Variants in EXOC5 observed in about 807,000 individuals in gnomAD.
EXOC5 encodes exocyst complex component 5, also known as SEC10-like 1.
EXOC5 carries 17 observed loss-of-function variants against 90.8 expected under a neutral mutation model. The observed-to-expected ratio is 0.19, with a 90% CI of 0.13 to 0.28. The LOEUF is 0.28. Ranked by LOEUF, EXOC5 falls within the 10% of genes least tolerant of loss-of-function variation. The pLI, the probability that EXOC5 is intolerant of heterozygous loss-of-function variation, is 1.00. For missense variants in EXOC5, 569 were observed against 830.6 expected (o/e 0.69, Z 3.87); for synonymous variants, 260 against 270.0 (o/e 0.96, Z 0.36).
At chr14:57,252,121 C>T (rs1884214558) in intron 1 of EXOC5, among the ~76,000 whole-genome samples, 1 of 152,096 alleles carries the variant, frequency 6.6e-6, no homozygotes, top group Admixed American at 6.6e-5. Context: ...TTGAATTTTG[C>T]TAAACATTTT....
chr14:57,267,288 T>A (rs1276643750), intron 1 of EXOC5, among the ~76,000 whole-genome samples: 1 of 152,218 alleles, frequency 6.6e-6, no homozygotes, highest in African/African-American at 2.4e-5. Context: ...TTCTTGTAAT[T>A]ACAATCCTTC....
chr14:57,258,560 T>A (rs750052412), intron 1 of EXOC5, among the ~76,000 whole-genome samples: 12 of 152,076 alleles, frequency 7.9e-5, no homozygotes, highest in Non-Finnish European at 1.5e-4. Context: ...GGTAATGGAC[T>A]AGGGGAGGGA....
At position 57,256,250 on chromosome 14, in the gene EXOC5, C is replaced by T. The variant is rs1404320632; in HGVS notation, c.28-8538G>A. Among the ~76,000 whole-genome samples, 3 of 152,130 alleles carry T rather than the reference C, an allele frequency of 2.0e-5. No homozygotes were observed. The East Asian group carries it at 5.8e-4, about 29-fold the overall frequency. ...GGGGCAGAGAGCAGTATGTTTGGCA[C>T]ACAGATGATCCTCTCAGGGATCTCT... is the stretch of plus-strand genomic sequence containing the variant. On this transcript the variant is annotated intron_variant, in intron 1 of 17. Transcript: ENST00000621441.
At chr14:57,213,348 C>T (rs1468928354) in intron 15 of EXOC5, among the ~76,000 whole-genome samples, 1 of 151,436 alleles carries the variant, frequency 6.6e-6, no homozygotes, top group Non-Finnish European at 1.5e-5. Flanking sequence ...CGCCACTGCA[C>T]ACCAGCCTGG....
chr14:57,263,837 T>C (rs993860247), intron 1 of EXOC5, among the ~76,000 whole-genome samples: 8 of 151,558 alleles, frequency 5.3e-5, no homozygotes, highest in African/African-American at 1.9e-4. Flanking sequence ...TCTTAAAATA[T>C]GCACATACAC....
At chr14:57,232,817 T>G (rs971262040) in intron 9 of EXOC5, 68 bp from the exon 10 acceptor site, 12 of 763,102 alleles carry the variant, frequency 1.6e-5, no homozygotes, top group Admixed American at 1.4e-4. Context: ...TCAAGATATT[T>G]TTCTTTTAAA....
At chr14:57,262,442 C>T (rs992088577) in intron 1 of EXOC5, among the ~76,000 whole-genome samples, 1 of 151,874 alleles carries the variant, frequency 6.6e-6, no homozygotes, top group African/African-American at 2.4e-5. Context: ...CTATGTCTAA[C>T]TGTGATCTCT....
At chr14:57,257,338 G>C (rs1366887869) in intron 1 of EXOC5, among the ~76,000 whole-genome samples, 4 of 151,840 alleles carry the variant, frequency 2.6e-5, no homozygotes. Flanking sequence ...ATGCCTATTA[G>C]ATATGTAAGA....
chr14:57,206,191 T>G lies in EXOC5; in HGVS notation c.*2418A>C, dbSNP rs1161314994. 1 of 303,868 alleles carries G rather than the reference T, an allele frequency of 3.3e-6. No homozygotes were observed. Among genetic ancestry groups the G allele is most frequent in the East Asian group, 8.7e-5 (1 of 11,522 alleles). 18.8% of individuals were successfully genotyped at this position (303,868 alleles called of 1,614,324 possible). A position where few individuals can be genotyped will look rare whatever the true frequency, so the allele number is the denominator to read the frequency against. ...GCAAAGACCGTACTTACGTAAATGT[T>G]GGTTAAAGTTACCAATTATACAAAG... On this transcript the variant is annotated 3_prime_UTR_variant, in exon 18 of 18. Coordinates refer to ENST00000621441, the MANE Select transcript of EXOC5 (RefSeq NM_006544.4).
At position 57,233,989 on chromosome 14, in the gene EXOC5, T is replaced by TC; in HGVS notation, c.712dup (p.Glu238GlyfsTer8). On this transcript the variant is annotated frameshift_variant and splice_region_variant, in exon 8 of 18. Transcript: ENST00000621441. LOFTEE classifies it high-confidence loss of function. ...CAACAAAGTGTACTGTTATGTTACC[T>TC]CCTGGCACTGCTTTATATAAACATC... 6.2e-7 allele frequency: 1 copy of TC among 1,602,556 alleles called. No homozygotes were observed. Among genetic ancestry groups the TC allele is most frequent in the Non-Finnish European group, 8.5e-7 (1 of 1,169,786 alleles).
At chr14:57,238,389 C>T (rs1883744189) in intron 5 of EXOC5, among the ~76,000 whole-genome samples, 2 of 147,408 alleles carry the variant, frequency 1.4e-5, no homozygotes, top group Admixed American at 6.8e-5. Flanking sequence ...CACACACACA[C>T]ACACACACAC....
chr14:57,221,703 A>C (rs535412610), intron 13 of EXOC5, among the ~76,000 whole-genome samples: 1 of 152,306 alleles, frequency 6.6e-6, no homozygotes, highest in African/African-American at 2.4e-5. Context: ...GACATACAAT[A>C]ATCACGCATA....
rs1884652179 is a variant in EXOC5 at position 57,265,742 on chromosome 14, A to T, written c.27+2880T>A. On this transcript the variant is annotated intron_variant, in intron 1 of 17. Transcript: ENST00000621441. ...CCTGTCTCAAAAACAAAGAAAAGGA[A>T]TTTCTGAGCCCAGCCACTTTGTATA... is the stretch of plus-strand genomic sequence containing the variant. Among the ~76,000 whole-genome samples, 3 of 152,116 alleles carry T rather than the reference A, an allele frequency of 2.0e-5. No homozygotes were observed. The South Asian group carries it at 6.2e-4, about 32-fold the overall frequency.
chr14:57,204,429 CT>C lies in EXOC5; in HGVS notation c.*4179del, dbSNP rs1256671163. ...CTGATTACATGAAAATGACTATCTA[CT>C]GTTAATATACTAAATATTTTGCCTT... On this transcript the variant is annotated 3_prime_UTR_variant, in exon 18 of 18. Coordinates refer to ENST00000621441, the MANE Select transcript of EXOC5 (RefSeq NM_006544.4). 1 of 152,048 alleles carries C rather than the reference CT, an allele frequency of 6.6e-6. No individual in the cohort carries two copies. Among genetic ancestry groups the C allele is most frequent in the African/African-American group, 2.4e-5 (1 of 41,426 alleles). The allele number at this position is 152,048 out of a possible 1,614,324, so 9.4% of individuals were successfully genotyped here.
intron 15 of EXOC5, among the ~76,000 whole-genome samples, chr14:57,215,310 T>C (rs184295620): frequency 9.6e-4 from 146 of 152,000 alleles, no homozygotes; most frequent in Non-Finnish European, 1.4e-3. Context: ...GATTACACTT[T>C]CAAACTCATT....
At position 57,242,063 on chromosome 14, in the gene EXOC5, G is replaced by A. The variant is rs568606691; in HGVS notation, c.465+2102C>T. Reference sequence around the variant, plus strand: ...CAGGAGAATGGCATGAACCCAGGAGGCGGAGGTTGCAGTGAGCCGAGATTG... The same window carrying A: ...CAGGAGAATGGCATGAACCCAGGAGACGGAGGTTGCAGTGAGCCGAGATTG... On this transcript the variant is annotated intron_variant, in intron 4 of 17. Transcript: ENST00000621441. Among the ~76,000 whole-genome samples, 347 of 150,960 alleles carry A rather than the reference G, an allele frequency of 2.3e-3. 2 individuals are homozygous for A. Among genetic ancestry groups the A allele is most frequent in the African/African-American group, 8.1e-3 (333 of 41,114 alleles).
intron 14 of EXOC5, 24 bp downstream of exon 14, chr14:57,219,298 T>G: frequency 1.4e-6 from 2 of 1,395,492 alleles, no homozygotes; most frequent in South Asian, 2.9e-5. Context: ...GAAATATCAA[T>G]GAAAATCAGA....
At position 57,229,721 on chromosome 14, in the gene EXOC5, C is replaced by T. The variant is rs1267762581; in HGVS notation, c.1296+13G>A. 2 of 1,457,528 alleles carry T rather than the reference C, an allele frequency of 1.4e-6. No homozygotes were observed. The highest frequency in any genetic ancestry group is 2.5e-5 in the East Asian group (1 of 39,712). The allele number at this position is 1,457,528 out of a possible 1,614,324, so 90.3% of individuals were successfully genotyped here. ...CAACTGTATATGTAAAATACATTTA[C>T]AATCACTCTTACCCTATGACATCTT... is the stretch of plus-strand genomic sequence containing the variant. On this transcript the variant is annotated intron_variant, in intron 12 of 17. Coordinates refer to ENST00000621441, the MANE Select transcript of EXOC5 (RefSeq NM_006544.4).
In EXOC5 at chr14:57,253,472, T is replaced by G. The variant is rs543437378; in HGVS notation, c.28-5760A>C. Among the ~76,000 whole-genome samples the G allele has an allele frequency of 1.4e-4, 21 of 152,290 alleles. No homozygotes were observed. The South Asian group carries it at 4.1e-3, about 30-fold the overall frequency. Reference sequence around the variant, plus strand: ...ACAACGTCAATACTACCCAAAGTGATCTACAGATTCAACTCAATCCTTGTG... The same window carrying G: ...ACAACGTCAATACTACCCAAAGTGAGCTACAGATTCAACTCAATCCTTGTG... On this transcript the variant is annotated intron_variant, in intron 1 of 17. Transcript: ENST00000621441.
Sources: gnomAD v4.1 joint callset for allele counts (sites outside exome capture counted in the v4.1 genomes callset) on GRCh38, gnomAD v4.1.1 for gene constraint, MANE v1.5 for transcripts, NCBI Gene and HGNC (gene_info 2026-07-23, HGNC 2026-07-21) for gene names.